MARCHF6: variants seen among roughly 807,000 people sequenced by gnomAD.
MARCHF6 encodes the protein membrane associated ring-CH-type finger 6.
Under a neutral mutation model 133.7 loss-of-function variants are expected in MARCHF6, and 31 were observed. That is an observed-to-expected ratio of 0.23 (90% confidence interval 0.17 to 0.31). The LOEUF (loss-of-function observed/expected upper bound fraction) is 0.31, where lower values mean the gene tolerates loss of function less well. Ranked by LOEUF, MARCHF6 falls within the 10% of genes least tolerant of loss-of-function variation. The probability of loss-of-function intolerance (pLI) is 1.00; values close to 1 mark genes in which losing one functional copy is unlikely to be tolerated. For synonymous variants in MARCHF6, 395 were observed against 402.5 expected (o/e 0.98, Z 0.22); for missense variants, 723 against 1,121.6 (o/e 0.64, Z 5.08).
chr5:10,371,115 A>G (rs944628783), intron 1 of MARCHF6, among the ~76,000 whole-genome samples: 2 of 152,192 alleles, frequency 1.3e-5, no homozygotes, highest in East Asian at 3.8e-4. Context: ...CTGAAATAGA[A>G]TTAGCTATTC....
At position 10,426,380 on chromosome 5, in the gene MARCHF6, A is replaced by G; in HGVS notation, c.2374-10A>G. 2.5e-6 allele frequency: 4 copies of G among 1,610,724 alleles called. No individual in the cohort carries two copies. Among genetic ancestry groups the G allele is most frequent in the Non-Finnish European group, 1.7e-6 (2 of 1,178,748 alleles). ...TATCTTTGTTCTAATTGCTTTTTGT[A>G]ATGTTTCAGGTTTACGCAAATGGCA... On this transcript the variant is annotated splice_polypyrimidine_tract_variant and intron_variant, in intron 23 of 25. Coordinates refer to ENST00000274140, the MANE Select transcript of MARCHF6 (RefSeq NM_005885.4).
intron 22 of MARCHF6, among the ~76,000 whole-genome samples, chr5:10,418,021 T>C (rs1739617302): frequency 6.6e-6 from 1 of 152,168 alleles, no homozygotes; most frequent in Non-Finnish European, 1.5e-5. Context: ...TCCTTTTGAC[T>C]TGGAGGCTTT....
chr5:10,371,643 G>A (rs1214804418), intron 1 of MARCHF6, among the ~76,000 whole-genome samples: 1 of 152,144 alleles, frequency 6.6e-6, no homozygotes, highest in Non-Finnish European at 1.5e-5. Flanking sequence ...CCCACAACAC[G>A]TGGGAATTCA....
chr5:10,403,721 G>A (rs1738692810), intron 15 of MARCHF6, among the ~76,000 whole-genome samples, 180 bp downstream of exon 15: 1 of 152,182 alleles, frequency 6.6e-6, no homozygotes, highest in African/African-American at 2.4e-5. Context: ...TGTTTCAGTT[G>A]TTTGTCTCCA....
chr5:10,418,461 A>T (rs574820445), intron 22 of MARCHF6, among the ~76,000 whole-genome samples: 1 of 152,160 alleles, frequency 6.6e-6, no homozygotes, highest in Admixed American at 6.5e-5. Context: ...ATGGAAAAAG[A>T]AATGGAACTT....
chr5:10,429,836 G>A (rs908132980), intron 24 of MARCHF6, 57 bp from the exon 25 acceptor site: 16 of 1,465,364 alleles, frequency 1.1e-5, no homozygotes, highest in South Asian at 5.8e-5. Flanking sequence ...ACATGTTTAC[G>A]TTTCATGTCA....
intron 5 of MARCHF6, among the ~76,000 whole-genome samples, chr5:10,388,262 C>T (rs980476249): frequency 4.6e-5 from 7 of 152,214 alleles, no homozygotes; most frequent in South Asian, 2.1e-4. Flanking sequence ...TTTTAGCTGT[C>T]TTTTACAGTT....
chr5:10,374,640 GTT>G (rs1365101926), intron 1 of MARCHF6, among the ~76,000 whole-genome samples: 1 of 152,174 alleles, frequency 6.6e-6, no homozygotes, highest in Non-Finnish European at 1.5e-5. Flanking sequence ...CAGAGTGAAA[GTT>G]TTTGCCAAGG....
At chr5:10,393,038 C>T (rs1339687803) in intron 7 of MARCHF6, among the ~76,000 whole-genome samples, 1 of 152,114 alleles carries the variant, frequency 6.6e-6, no homozygotes, top group Non-Finnish European at 1.5e-5. Flanking sequence ...TCTGAGGATG[C>T]TGTTGGGGAG....
Position 10,353,936 on chromosome 5 carries a change from G to A in MARCHF6, c.19+19G>A. ...GAGGAAGGTAAGTCGGCGACGCGCG[G>A]CGCCCGAGCCCTTGCGTCGGCGCCC... On this transcript the variant is annotated intron_variant, in intron 1 of 25. Coordinates refer to ENST00000274140, the MANE Select transcript of MARCHF6 (RefSeq NM_005885.4). The A allele has an allele frequency of 1.3e-6, 2 of 1,547,646 alleles. No homozygotes were observed. The highest frequency in any genetic ancestry group is 2.5e-5 in the East Asian group (1 of 40,452).
chr5:10,422,481 A>G (rs1739875209), intron 22 of MARCHF6, among the ~76,000 whole-genome samples: 1 of 152,160 alleles, frequency 6.6e-6, no homozygotes, highest in Admixed American at 6.5e-5. Context: ...GCTTCAAAAA[A>G]CTGCATTGTC....
rs1184493024 is a variant in MARCHF6, at chr5:10,415,531, C to G, written c.2010C>G (p.Ala670=). The G allele has an allele frequency of 6.2e-7, 1 of 1,606,788 alleles. No homozygotes were observed. Among genetic ancestry groups the G allele is most frequent in the South Asian group, 1.1e-5 (1 of 90,622 alleles). ...TAATGTCGTTTTGGACGGGGACTGC[C>G]AAAATCCATGAGCTCTACACAGCTG... ...RWLMSFWTGT[A]KIHELYTAAC... Residue 670 remains alanine, a synonymous_variant, in exon 21 of 26, where the codon GCC becomes GCG. Coordinates refer to ENST00000274140, the MANE Select transcript of MARCHF6 (RefSeq NM_005885.4).
At chr5:10,380,487 A>G (rs534914324) in intron 3 of MARCHF6, among the ~76,000 whole-genome samples, 1 of 152,146 alleles carries the variant, frequency 6.6e-6, no homozygotes, top group Non-Finnish European at 1.5e-5. Context: ...CTTGTTTTGT[A>G]CATTTTAATT....
chr5:10,367,546 G>T (rs1414899003), intron 1 of MARCHF6, among the ~76,000 whole-genome samples: 2 of 152,190 alleles, frequency 1.3e-5, no homozygotes, highest in Non-Finnish European at 2.9e-5. Context: ...TTTCAAGATA[G>T]ATAATAGCTT....
intron 15 of MARCHF6, among the ~76,000 whole-genome samples, chr5:10,405,130 G>C (rs992211003): frequency 6.6e-6 from 1 of 152,160 alleles, no homozygotes; most frequent in African/African-American, 2.4e-5. Context: ...CTAGTACCCA[G>C]ACTCCTCCTT....
At chr5:10,391,485 G>A in intron 6 of MARCHF6, 57 bp from the exon 7 acceptor site, 6 of 492,730 alleles carry the variant, frequency 1.2e-5, no homozygotes, top group South Asian at 1.1e-4. Flanking sequence ...ATGTGATTTG[G>A]AAACAGAGCA....
rs913041567 is a variant in MARCHF6 at position 10,373,940 on chromosome 5, A to G, written c.20-3858A>G. ...CTGATCCGCACCTGTGGCTTCAGTG[A>G]CTCTGGTGATTCTAGGTAACCTAGA... On this transcript the variant is annotated intron_variant, in intron 1 of 25. Coordinates refer to ENST00000274140, the MANE Select transcript of MARCHF6 (RefSeq NM_005885.4). Among the ~76,000 whole-genome samples, 60 of 151,886 alleles carry G rather than the reference A, an allele frequency of 4.0e-4. 1 individual carries two copies. The highest frequency in any genetic ancestry group is 2.2e-4 in the Non-Finnish European group (15 of 67,946).
intron 1 of MARCHF6, among the ~76,000 whole-genome samples, chr5:10,367,917 G>T (rs1020089420): frequency 1.3e-5 from 2 of 152,186 alleles, no homozygotes; most frequent in Non-Finnish European, 1.5e-5. Flanking sequence ...AAACCAGGAA[G>T]AGCTTTGCCA....
intron 1 of MARCHF6, among the ~76,000 whole-genome samples, chr5:10,377,367 T>C (rs965921163): frequency 1.3e-5 from 2 of 152,204 alleles, no homozygotes; most frequent in African/African-American, 2.4e-5. Flanking sequence ...ACTGCTGTTA[T>C]TGTGGTGAGT....
Sources: allele counts gnomAD v4.1 joint callset (sites outside exome capture counted in the v4.1 genomes callset), GRCh38; gene constraint gnomAD v4.1.1; transcripts MANE v1.5; gene names NCBI Gene and HGNC (gene_info 2026-07-23, HGNC 2026-07-21).